CEP85L: variants seen among roughly 807,000 people sequenced by gnomAD.
CEP85L encodes the protein centrosomal protein of 85 kDa-like.
A neutral mutation model predicts 100.3 loss-of-function variants in CEP85L; 60 were observed. The ratio of observed to expected loss-of-function variants is 0.60; its 90% CI spans 0.49 to 0.74. CEP85L has a LOEUF of 0.74. CEP85L is among the 30% of genes least tolerant of loss of function. CEP85L has a pLI of 0.00. For missense variants in CEP85L, 973 were observed against 936.2 expected (o/e 1.04, Z -0.51); for synonymous variants, 319 against 322.7 (o/e 0.99, Z 0.12).
At chr6:118,604,682 T>C (rs546096510) in intron 2 of CEP85L, among the ~76,000 whole-genome samples, 3 of 152,324 alleles carry the variant, frequency 2.0e-5, no homozygotes, top group African/African-American at 4.8e-5. Flanking sequence ...CTCTCCAGCA[T>C]AGCTAGGGGG....
intron 2 of CEP85L, among the ~76,000 whole-genome samples, chr6:118,608,329 A>C (rs907737884): frequency 7.2e-5 from 11 of 152,104 alleles, no homozygotes; most frequent in Non-Finnish European, 1.2e-4. Flanking sequence ...CCCCATCTCT[A>C]CTAAAAATAC....
intron 3 of CEP85L, among the ~76,000 whole-genome samples, chr6:118,535,039 A>T (rs1350004951): frequency 6.6e-6 from 1 of 152,144 alleles, no homozygotes; most frequent in Non-Finnish European, 1.5e-5. Flanking sequence ...TAAATAAATA[A>T]ATAATAAAAA....
At chr6:118,593,267 T>C (rs1015590638) in intron 2 of CEP85L, among the ~76,000 whole-genome samples, 4 of 151,998 alleles carry the variant, frequency 2.6e-5, no homozygotes, top group African/African-American at 7.2e-5. Context: ...TGTATGACTC[T>C]GTGAATATAC....
upstream of CEP85L, chr6:118,652,471 G>T: frequency 1.5e-6 from 2 of 1,290,374 alleles, no homozygotes; most frequent in Non-Finnish European, 2.0e-6. Context: ...AAAATTCTGG[G>T]CCAGCACTGT....
intron 2 of CEP85L, among the ~76,000 whole-genome samples, chr6:118,618,506 T>C (rs981612739): frequency 5.3e-5 from 8 of 152,360 alleles, no homozygotes; most frequent in African/African-American, 1.9e-4. Context: ...TTCTTCATTG[T>C]TCCCCAGATG....
intron 2 of CEP85L, among the ~76,000 whole-genome samples, chr6:118,609,812 C>T (rs565584009): frequency 6.6e-6 from 1 of 152,196 alleles, no homozygotes; most frequent in South Asian, 2.1e-4. Flanking sequence ...AACTGACAGT[C>T]TACATATCCA....
At chr6:118,547,790 T>C (rs17080312) in intron 3 of CEP85L, among the ~76,000 whole-genome samples, 1 of 152,062 alleles carries the variant, frequency 6.6e-6, no homozygotes, top group Non-Finnish European at 1.5e-5. Context: ...CCTTCTCCCA[T>C]ACACACAAGA....
chr6:118,696,681 T>G (rs1771757), intron 1 of CEP85L, among the ~76,000 whole-genome samples: 67,646 of 151,106 alleles, frequency 0.45, 15,624 homozygotes, highest in African/African-American at 0.56. Flanking sequence ...CACAGAGTTT[T>G]TTGTTGTTGT....
intron 3 of CEP85L, chr6:118,537,716 T>A: frequency 1.0e-6 from 1 of 985,380 alleles, no homozygotes; most frequent in Non-Finnish European, 1.2e-6. Flanking sequence ...CAAAATTCTT[T>A]GGCCTGGACA....
chr6:118,486,054 T>C (rs1774158127), intron 6 of CEP85L, among the ~76,000 whole-genome samples: 1 of 152,224 alleles, frequency 6.6e-6, no homozygotes, highest in African/African-American at 2.4e-5. Context: ...TGATCACAAA[T>C]TGCTGCCAAC....
intron 5 of CEP85L, among the ~76,000 whole-genome samples, chr6:118,500,933 C>G (rs1775258995): frequency 6.6e-6 from 1 of 152,214 alleles, no homozygotes; most frequent in Admixed American, 6.5e-5. Context: ...CACTGGAAGT[C>G]TTTTTCTGCC....
At chr6:118,517,389 T>G (rs1484820962) in intron 4 of CEP85L, among the ~76,000 whole-genome samples, 1 of 152,226 alleles carries the variant, frequency 6.6e-6, no homozygotes, top group Non-Finnish European at 1.5e-5. Flanking sequence ...GGAATGTTTT[T>G]CCATTTATTT....
chr6:118,690,260 A>G (rs1554246452), intron 1 of CEP85L, among the ~76,000 whole-genome samples: 1 of 152,238 alleles, frequency 6.6e-6, no homozygotes, highest in East Asian at 1.9e-4. Flanking sequence ...TCTGTGTCTG[A>G]CTTGTAGACC....
chr6:118,554,693 G>A (rs1199690305), intron 3 of CEP85L, among the ~76,000 whole-genome samples: 1 of 152,162 alleles, frequency 6.6e-6, no homozygotes, highest in Admixed American at 6.5e-5. Flanking sequence ...AAAACCAGTA[G>A]AGGTGACAAC....
intron 1 of CEP85L, among the ~76,000 whole-genome samples, chr6:118,671,075 CT>C (rs1376745847): frequency 2.0e-5 from 3 of 152,002 alleles, no homozygotes; most frequent in Non-Finnish European, 4.4e-5. Context: ...TTGTGGCAAA[CT>C]TTTGGAGAAA....
chr6:118,514,510 G>A (rs1301729199), intron 4 of CEP85L, among the ~76,000 whole-genome samples: 2 of 124,802 alleles, frequency 1.6e-5, no homozygotes, highest in African/African-American at 6.3e-5. Flanking sequence ...GGGAGACAGA[G>A]CAAGACACTG....
chr6:118,606,222 A>T (rs1772208937), intron 2 of CEP85L, among the ~76,000 whole-genome samples: 1 of 152,166 alleles, frequency 6.6e-6, no homozygotes, highest in South Asian at 2.1e-4. Context: ...ATCCTTTCAG[A>T]TCTCTTATTA....
At chr6:118,699,287 C>T (rs1480507830) in intron 1 of CEP85L, among the ~76,000 whole-genome samples, 1 of 151,750 alleles carries the variant, frequency 6.6e-6, no homozygotes, top group Non-Finnish European at 1.5e-5. Flanking sequence ...ACCCCCATCT[C>T]TATAAAAAAA....
intron 1 of CEP85L, among the ~76,000 whole-genome samples, chr6:118,703,154 CT>C (rs546141319): frequency 1.3e-5 from 2 of 151,988 alleles, no homozygotes; most frequent in Admixed American, 6.6e-5. Flanking sequence ...ATAAATCAGT[CT>C]TTTGGTGGGG....
Sources: gnomAD v4.1 joint callset for allele counts (sites outside exome capture counted in the v4.1 genomes callset) on GRCh38, gnomAD v4.1.1 for gene constraint, MANE v1.5 for transcripts, NCBI Gene and HGNC (gene_info 2026-07-23, HGNC 2026-07-21) for gene names.